ITPR3: variants seen among roughly 807,000 people sequenced by gnomAD.
ITPR3 encodes inositol 1,4,5-trisphosphate-gated calcium channel ITPR3.
In ITPR3, 173 loss-of-function variants were observed where a neutral mutation model predicts 293.2. That is an observed-to-expected ratio of 0.59 (90% CI 0.52 to 0.67). The LOEUF (loss-of-function observed/expected upper bound fraction) is 0.67, where lower values mean the gene tolerates loss of function less well. Ranked by LOEUF, ITPR3 falls within the 30% of genes least tolerant of loss-of-function variation. The probability of loss-of-function intolerance (pLI) is 0.00; values close to 1 mark genes in which losing one functional copy is unlikely to be tolerated. For synonymous variants in ITPR3, 1,295 were observed against 1,444.4 expected, an observed-to-expected ratio of 0.90 and a Z score of 2.35; for missense variants, 2,796 against 3,592.1, an observed-to-expected ratio of 0.78 and a Z score of 5.66.
Position 33,695,963 on chromosome 6 carries a change from C to G in ITPR3, c.*183C>G, listed in dbSNP as rs1328883717. The G allele has an allele frequency of 2.0e-5, 12 of 610,276 alleles. No individual in the cohort carries two copies. Among genetic ancestry groups the G allele is most frequent in the Non-Finnish European group, 2.9e-5 (10 of 341,618 alleles). 37.8% of individuals were successfully genotyped at this position (610,276 alleles called of 1,614,324 possible). On this transcript the variant is annotated 3_prime_UTR_variant, in exon 58 of 58. Transcript: ENST00000605930. ...CATGGAGGGGGAGCCTCAGAGCTGACAGTCCTGCTTAGAGCCCTTAAAAAG... is the reference window on the plus strand; with the variant it reads ...CATGGAGGGGGAGCCTCAGAGCTGAGAGTCCTGCTTAGAGCCCTTAAAAAG...
Position 33,691,359 on chromosome 6 carries a change from C to T in ITPR3, c.7225+250C>T, listed in dbSNP as rs1186968533. Among the ~76,000 whole-genome samples, 2 of 152,172 alleles carry T rather than the reference C, an allele frequency of 1.3e-5. No individual in the cohort carries two copies. Among genetic ancestry groups the T allele is most frequent in the Non-Finnish European group, 2.9e-5 (2 of 68,034 alleles). On this transcript the variant is annotated intron_variant, in intron 52 of 57. Transcript: ENST00000605930. The surrounding 1 kb of genome is among the most constrained non-coding windows in gnomAD (Gnocchi z 4.9). Reference sequence around the variant, plus strand: ...TGCTTGAGGGCTGGAGTCCCTTGAACTGTCATTCATGTTAAACCCAGTATT... The same window carrying T: ...TGCTTGAGGGCTGGAGTCCCTTGAATTGTCATTCATGTTAAACCCAGTATT...
chr6:33,679,862 G>T lies in ITPR3; in HGVS notation c.3973-20G>T. ...TTGCTGGACCGAGAGAGTGTGACAC[G>T]TGCCCCCTCCCACCCGCAGCTGACC... On this transcript the variant is annotated intron_variant, in intron 30 of 57. Transcript: ENST00000605930. This position sits in a 1 kb window ranked among gnomAD's most constrained non-coding sequence, Gnocchi z 4.2. 6.2e-6 allele frequency: 10 copies of T among 1,600,564 alleles called. No individual in the cohort carries two copies. Among genetic ancestry groups the T allele is most frequent in the Non-Finnish European group, 8.5e-6 (10 of 1,171,178 alleles).
At chr6:33,671,882 G>GTTAGCCCTGTCCCTTCC in intron 21 of ITPR3, 147 bp from the exon 22 acceptor site, 1 of 760,566 alleles carries the variant, frequency 1.3e-6, no homozygotes, top group South Asian at 2.0e-5. Flanking sequence ...GCCTTCCTGG[G>GTTAGCCCTGTCCCTTCC]TTAGCCCTGT....
At position 33,670,959 on chromosome 6, in the gene ITPR3, A is replaced by G. The variant is rs1764744463; in HGVS notation, c.2586+144A>G. ...CCCAGCCAGTGCAGGGGGACCGCAT[A>G]GAAGGCTGGGATTCTCCAAGAGGCA... On this transcript the variant is annotated intron_variant, in intron 20 of 57. Coordinates refer to ENST00000605930, the MANE Select transcript of ITPR3 (RefSeq NM_002224.4). This position sits in a 1 kb window ranked among gnomAD's most constrained non-coding sequence, Gnocchi z 6.7. 5.3e-6 allele frequency: 7 copies of G among 1,321,424 alleles called. No homozygotes were observed. Among genetic ancestry groups the G allele is most frequent in the Non-Finnish European group, 7.3e-6 (7 of 964,110 alleles). The allele number at this position is 1,321,424 out of a possible 1,614,324, so 81.9% of individuals were successfully genotyped here.
At chr6:33,686,299 G>A (rs1561880197) in intron 42 of ITPR3, 46 bp downstream of exon 42, 1 of 1,605,604 alleles carries the variant, frequency 6.2e-7, no homozygotes, top group South Asian at 1.1e-5. Flanking sequence ...TGGCAGTGTG[G>A]ACATGTGGGT....
In ITPR3 at chr6:33,658,021, G is replaced by A. The variant is rs1220150809; in HGVS notation, c.369+3G>A. 2 of 1,610,184 alleles carry A rather than the reference G, an allele frequency of 1.2e-6. No homozygotes were observed. The highest frequency in any genetic ancestry group is 2.2e-5 in the East Asian group (1 of 44,628). On this transcript the variant is annotated splice_donor_region_variant and intron_variant, in intron 4 of 57. Transcript: ENST00000605930. The surrounding 1 kb of genome is among the most constrained non-coding windows in gnomAD (Gnocchi z 6.1). Reference sequence around the variant, plus strand: ...TGAAGTATGGCAGTGTGATCCAGGTGAGGCTGGCCTGCCTCTCTCCCGCCT... The same window carrying A: ...TGAAGTATGGCAGTGTGATCCAGGTAAGGCTGGCCTGCCTCTCTCCCGCCT...
rs1764274400 is a variant in ITPR3 at position 33,655,110 on chromosome 6, A to G, written c.161-656A>G. Among the ~76,000 whole-genome samples the G allele has an allele frequency of 6.6e-6, 1 of 152,238 alleles. No homozygotes were observed. The highest frequency in any genetic ancestry group is 2.4e-5 in the African/African-American group (1 of 41,462). On this transcript the variant is annotated intron_variant, in intron 2 of 57. Transcript: ENST00000605930. The surrounding 1 kb of genome is among the most constrained non-coding windows in gnomAD (Gnocchi z 4.9). ...CAGATTCCTAGAAGCAGAGCCTAAG[A>G]TGGGTGAATTCTTGAGGAAGTTCTC... is the stretch of plus-strand genomic sequence containing the variant.
At position 33,633,431 on chromosome 6, in the gene ITPR3, G is replaced by T. The variant is rs971752496; in HGVS notation, c.90-7053G>T. 1.3e-5 allele frequency among the ~76,000 whole-genome samples: 2 copies of T among 152,224 alleles called. No individual in the cohort carries two copies. Among genetic ancestry groups the T allele is most frequent in the Non-Finnish European group, 2.9e-5 (2 of 67,938 alleles). ...CAGCAGGGCACCTGTGGTCCGGCTAGTTTGATAAACACAGGTGCCCGCCAT... is the reference window on the plus strand; with the variant it reads ...CAGCAGGGCACCTGTGGTCCGGCTATTTTGATAAACACAGGTGCCCGCCAT... On this transcript the variant is annotated intron_variant, in intron 1 of 57. Transcript: ENST00000605930. The surrounding 1 kb of genome is among the most constrained non-coding windows in gnomAD (Gnocchi z 5.2).
Position 33,687,698 on chromosome 6 carries a change from G to A in ITPR3, c.6264+134G>A. On this transcript the variant is annotated intron_variant, in intron 46 of 57. Coordinates refer to ENST00000605930, the MANE Select transcript of ITPR3 (RefSeq NM_002224.4). The surrounding 1 kb of genome is among the most constrained non-coding windows in gnomAD (Gnocchi z 5.3). ...GGCTAGAATTTGGGGGTACAGCTCAGGGGGCTGATTGGGACTGGCAGCCGT... is the reference window on the plus strand; with the variant it reads ...GGCTAGAATTTGGGGGTACAGCTCAAGGGGCTGATTGGGACTGGCAGCCGT... 1.4e-6 allele frequency: 1 copy of A among 737,278 alleles called. No individual in the cohort carries two copies. Among genetic ancestry groups the A allele is most frequent in the Non-Finnish European group, 2.3e-6 (1 of 442,772 alleles). 45.7% of individuals were successfully genotyped at this position (737,278 alleles called of 1,614,324 possible). A position where few individuals can be genotyped will look rare whatever the true frequency, so the allele number is the denominator to read the frequency against.
chr6:33,636,575 T>C (rs78817771), intron 1 of ITPR3, among the ~76,000 whole-genome samples: 2,211 of 151,894 alleles, frequency 0.015, 51 homozygotes, highest in African/African-American at 0.05. Context: ...TCCAAGGTTT[T>C]TGGACCAAGC....
At chr6:33,694,596 G>C (rs1765486836) in intron 56 of ITPR3, 2 of 312,354 alleles carry the variant, frequency 6.4e-6, no homozygotes, top group South Asian at 6.1e-5. Flanking sequence ...GGGTCTGTCT[G>C]GGTGCAGAGG....
At position 33,667,965 on chromosome 6, in the gene ITPR3, G is replaced by C; in HGVS notation, c.1886+1G>C. On this transcript the variant is annotated splice_donor_variant, in intron 16 of 57. Transcript: ENST00000605930. LOFTEE classifies it high-confidence loss of function. The surrounding 1 kb of genome is among the most constrained non-coding windows in gnomAD (Gnocchi z 4.4). ...TTGTGCGCAAGAACCGGGAGCCCAGGTGGGCCCGAACCCCCTCCCCGGCCG... is the reference window on the plus strand; with the variant it reads ...TTGTGCGCAAGAACCGGGAGCCCAGCTGGGCCCGAACCCCCTCCCCGGCCG... 1 of 1,614,078 alleles carries C rather than the reference G, an allele frequency of 6.2e-7. No individual in the cohort carries two copies. The highest frequency in any genetic ancestry group is 8.5e-7 in the Non-Finnish European group (1 of 1,179,996).
At position 33,678,710 on chromosome 6, in the gene ITPR3, T is replaced by C; in HGVS notation, c.3843T>C (p.Pro1281=). The change falls in exon 30 of 58, where the codon CCT becomes CCC. Residue 1281 remains proline, a synonymous_variant. Coordinates refer to ENST00000605930, the MANE Select transcript of ITPR3 (RefSeq NM_002224.4). Reference sequence around the variant, plus strand: ...AGCTCTGCTCCGAGATCAGCGAGCCTGTGTTGCAGCACTTCGTGCACCTGC... The same window carrying C: ...AGCTCTGCTCCGAGATCAGCGAGCCCGTGTTGCAGCACTTCGTGCACCTGC... The part of the protein sequence containing the change: ...NYQLCSEISE[P]VLQHFVHLLA... The C allele has an allele frequency of 1.2e-6, 2 of 1,613,446 alleles. No individual in the cohort carries two copies. The highest frequency in any genetic ancestry group is 1.7e-6 in the Non-Finnish European group (2 of 1,179,836).
At chr6:33,677,315 A>G (rs779731053) in intron 27 of ITPR3, among the ~76,000 whole-genome samples, 189 bp from the exon 28 acceptor site, 4 of 152,088 alleles carry the variant, frequency 2.6e-5, no homozygotes, top group Non-Finnish European at 5.9e-5. Flanking sequence ...ATATTGTTCT[A>G]TTTACTTTTA....
At chr6:33,662,476 C>T in intron 7 of ITPR3, 52 bp from the exon 8 acceptor site, 1 of 1,532,974 alleles carries the variant, frequency 6.5e-7, no homozygotes, top group Non-Finnish European at 8.7e-7. Flanking sequence ...TGGGTGGGTC[C>T]TTGAGCCTGG....
chr6:33,689,210 C>T (rs185069960), intron 49 of ITPR3, 28 bp from the exon 50 acceptor site: 5 of 1,602,422 alleles, frequency 3.1e-6, no homozygotes, highest in African/African-American at 2.7e-5. Flanking sequence ...CTTGAGGGAG[C>T]CCTGCTCACC....
At chr6:33,668,803 G>A (rs988679612) in intron 17 of ITPR3, among the ~76,000 whole-genome samples, 169 bp downstream of exon 17, 8 of 152,186 alleles carry the variant, frequency 5.3e-5, no homozygotes, top group African/African-American at 1.9e-4. Flanking sequence ...CTGTGGGGGA[G>A]TGGGGAAGGG....
In ITPR3 at chr6:33,632,632, G is replaced by A. The variant is rs551502424; in HGVS notation, c.90-7852G>A. On this transcript the variant is annotated intron_variant, in intron 1 of 57. Coordinates refer to ENST00000605930, the MANE Select transcript of ITPR3 (RefSeq NM_002224.4). This position sits in a 1 kb window ranked among gnomAD's most constrained non-coding sequence, Gnocchi z 4.1. ...AACCAGCTCCTCTCCAGAGGGCCCA[G>A]AACAGCCCTGCCTGCCCACAGGCCT... 6.6e-6 allele frequency among the ~76,000 whole-genome samples: 1 copy of A among 152,228 alleles called. No individual in the cohort carries two copies. The highest frequency in any genetic ancestry group is 6.5e-5 in the Admixed American group (1 of 15,286).
Position 33,665,129 on chromosome 6 carries a change from T to A in ITPR3, c.1325T>A (p.Leu442Gln). ...GTGCCCGTGTCTGAGATCCGAGACC[T>A]GGACTTTGCCAATGACGCCAGCTCC... ...VSVPVSEIRD[L>Q]DFANDASSML... The change falls in exon 13 of 58, where the codon CTG becomes CAG. Residue 442 changes from leucine (L) to glutamine (Q), a missense_variant. Leu to Gln is a moderately radical substitution (Grantham distance 113). This residue lies in a region of ITPR3 where 955 missense variants were observed against 1,180.8 expected (regional missense o/e 0.81). Coordinates refer to ENST00000605930, the MANE Select transcript of ITPR3 (RefSeq NM_002224.4). 1 of 1,614,192 alleles carries A rather than the reference T, an allele frequency of 6.2e-7. No homozygotes were observed. Among genetic ancestry groups the A allele is most frequent in the Non-Finnish European group, 8.5e-7 (1 of 1,180,030 alleles).
Sources: gnomAD v4.1 joint callset for allele counts (sites outside exome capture counted in the v4.1 genomes callset) on GRCh38, gnomAD v4.1.1 for gene constraint, gnomAD v4.1.1 regional missense constraint, Gnocchi (gnomAD v3.1) non-coding constraint, MANE v1.5 for transcripts, NCBI Gene and HGNC (gene_info 2026-07-23, HGNC 2026-07-21) for gene names.